CNTN5: variants seen among roughly 807,000 people sequenced by gnomAD.
CNTN5 encodes contactin 5.
CNTN5 carries 77 observed loss-of-function variants against 129.1 expected under a neutral mutation model. That is an observed-to-expected ratio of 0.60 (90% CI 0.50 to 0.72). The LOEUF is 0.72. CNTN5 is among the 30% of genes least tolerant of loss of function. The probability of loss-of-function intolerance (pLI) is 0.00; values close to 1 mark genes in which losing one functional copy is unlikely to be tolerated. For missense variants in CNTN5, 1,478 were observed against 1,328.8 expected, an observed-to-expected ratio of 1.11 and a Z score of -1.75; for synonymous variants, 509 against 465.6, an observed-to-expected ratio of 1.09 and a Z score of -1.20.
chr11:99,030,816 T>A (rs1467639143), intron 1 of CNTN5, among the ~76,000 whole-genome samples: 16 of 145,076 alleles, frequency 1.1e-4, no homozygotes, highest in African/African-American at 4.1e-4. Context: ...AATCTCGCTC[T>A]GTCGCCCAGG....
chr11:99,139,585 C>A (rs1322250095), intron 1 of CNTN5, among the ~76,000 whole-genome samples: 1 of 152,140 alleles, frequency 6.6e-6, no homozygotes, highest in Non-Finnish European at 1.5e-5. Flanking sequence ...TTAAATGGAA[C>A]TGTTTTGAGA....
intron 3 of CNTN5, among the ~76,000 whole-genome samples, chr11:99,684,926 T>C (rs1325028683): frequency 6.6e-6 from 1 of 151,690 alleles, no homozygotes. Flanking sequence ...CTCTTTTCTA[T>C]GTAATTGATT....
chr11:100,014,611 AATAC>A (rs1411179922), intron 9 of CNTN5, among the ~76,000 whole-genome samples: 12 of 152,118 alleles, frequency 7.9e-5, no homozygotes, highest in Non-Finnish European at 8.8e-5. Context: ...AAAAATTAAA[AATAC>A]ATAGATTTTT....
At chr11:99,318,758 A>G (rs1865447388) in intron 1 of CNTN5, among the ~76,000 whole-genome samples, 2 of 152,168 alleles carry the variant, frequency 1.3e-5, no homozygotes, top group Admixed American at 6.5e-5. Flanking sequence ...AGGGTGGGGA[A>G]GAAATTGTGT....
intron 3 of CNTN5, among the ~76,000 whole-genome samples, chr11:99,742,754 A>C (rs1397365692): frequency 1.3e-5 from 2 of 152,174 alleles, no homozygotes; most frequent in Non-Finnish European, 2.9e-5. Context: ...CGTTCCTTCT[A>C]CTGAAACTCT....
intron 10 of CNTN5, among the ~76,000 whole-genome samples, chr11:100,070,197 G>A (rs1052258551): frequency 6.7e-6 from 1 of 149,930 alleles, no homozygotes; most frequent in African/African-American, 2.5e-5. Context: ...AGAAGATTTT[G>A]CATAGTTAAA....
intron 1 of CNTN5, among the ~76,000 whole-genome samples, chr11:99,288,270 C>T (rs1327810617): frequency 6.6e-6 from 1 of 151,468 alleles, no homozygotes; most frequent in Admixed American, 6.6e-5. Context: ...TGGAGTTAGC[C>T]AATTAGGACA....
intron 3 of CNTN5, among the ~76,000 whole-genome samples, chr11:99,725,282 T>G (rs991894669): frequency 6.6e-6 from 1 of 152,162 alleles, no homozygotes; most frequent in East Asian, 1.9e-4. Context: ...AGTGAAATTA[T>G]GCGTAGGTAT....
intron 3 of CNTN5, among the ~76,000 whole-genome samples, chr11:99,578,147 A>C (rs910657316): frequency 3.3e-5 from 5 of 151,982 alleles, no homozygotes; most frequent in African/African-American, 9.7e-5. Flanking sequence ...GTCCCTACAA[A>C]GGATGTGAAC....
intron 6 of CNTN5, among the ~76,000 whole-genome samples, chr11:99,875,867 G>A (rs1591350495): frequency 6.6e-6 from 1 of 151,942 alleles, no homozygotes; most frequent in African/African-American, 2.4e-5. Flanking sequence ...AATTGTATAA[G>A]CACTGTTATA....
intron 13 of CNTN5, among the ~76,000 whole-genome samples, chr11:100,147,620 C>CA (rs926140148): frequency 3.9e-4 from 59 of 151,294 alleles, no homozygotes; most frequent in African/African-American, 1.1e-3. Flanking sequence ...ATTTTTTTGT[C>CA]AAAAAAAATG....
chr11:100,041,143 A>C (rs1385300998), intron 9 of CNTN5, among the ~76,000 whole-genome samples: 1 of 151,844 alleles, frequency 6.6e-6, no homozygotes, highest in Non-Finnish European at 1.5e-5. Flanking sequence ...TCTTAAATAC[A>C]CTCTTTTTCT....
At chr11:99,630,507 C>A (rs1951304340) in intron 3 of CNTN5, among the ~76,000 whole-genome samples, 1 of 151,858 alleles carries the variant, frequency 6.6e-6, no homozygotes, top group East Asian at 1.9e-4. Flanking sequence ...CCCGCACCCC[C>A]ATAGCAACTA....
chr11:99,998,168 G>A (rs945147066), intron 8 of CNTN5, among the ~76,000 whole-genome samples: 50 of 151,944 alleles, frequency 3.3e-4, no homozygotes, highest in African/African-American at 1.1e-3. Context: ...AATCAGGCAG[G>A]AGAAGGGAAT....
chr11:99,850,466 A>G (rs888022947), intron 6 of CNTN5, among the ~76,000 whole-genome samples: 1 of 152,180 alleles, frequency 6.6e-6, no homozygotes, highest in Non-Finnish European at 1.5e-5. Context: ...GGAAAAATTA[A>G]GCAAGTATAA....
At chr11:99,856,853 G>A (rs150360699) in intron 6 of CNTN5, among the ~76,000 whole-genome samples, 7 of 152,104 alleles carry the variant, frequency 4.6e-5, no homozygotes, top group East Asian at 1.9e-4. Flanking sequence ...TTAGGCTGTC[G>A]TAAACTATAT....
At chr11:99,807,661 T>G (rs1946314165) in intron 3 of CNTN5, among the ~76,000 whole-genome samples, 1 of 152,070 alleles carries the variant, frequency 6.6e-6, no homozygotes, top group East Asian at 1.9e-4. Flanking sequence ...ATTACAGGCA[T>G]GCACTACCAT....
intron 3 of CNTN5, among the ~76,000 whole-genome samples, chr11:99,706,704 G>A (rs1954769865): frequency 1.3e-5 from 2 of 151,410 alleles, no homozygotes; most frequent in African/African-American, 4.8e-5. Flanking sequence ...ATTCTTACGA[G>A]TGAATTCTAT....
intron 13 of CNTN5, among the ~76,000 whole-genome samples, chr11:100,148,417 A>G (rs1281329068): frequency 6.6e-6 from 1 of 152,220 alleles, no homozygotes; most frequent in Non-Finnish European, 1.5e-5. Flanking sequence ...ACAAATAGCC[A>G]TAGCCTCTTT....
Sources: allele counts gnomAD v4.1 joint callset (sites outside exome capture counted in the v4.1 genomes callset), GRCh38; gene constraint gnomAD v4.1.1; transcripts MANE v1.5; gene names NCBI Gene and HGNC (gene_info 2026-07-23, HGNC 2026-07-21).